The following CAMTA1 variants were observed in gnomAD, a reference collection of about 807,000 sequenced individuals.
The protein encoded by CAMTA1 is calmodulin binding transcription activator 1.
Under a neutral mutation model 170.9 loss-of-function variants are expected in CAMTA1, and 27 were observed. The ratio of observed to expected loss-of-function variants is 0.16; its 90% CI spans 0.12 to 0.22. The LOEUF (loss-of-function observed/expected upper bound fraction) is 0.22, where lower values mean the gene tolerates loss of function less well. Among genes scored for constraint, CAMTA1 ranks in the 10% least tolerant of loss-of-function variants. The pLI is 1.00. For missense variants in CAMTA1, 1,619 were observed against 2,217.2 expected, an observed-to-expected ratio of 0.73 and a Z score of 5.42; for synonymous variants, 833 against 891.5, an observed-to-expected ratio of 0.93 and a Z score of 1.17.
intron 11 of CAMTA1, among the ~76,000 whole-genome samples, chr1:7,683,591 C>T (rs190072207): frequency 4.1e-4 from 63 of 152,120 alleles, no homozygotes; most frequent in Non-Finnish European, 7.1e-4. Flanking sequence ...GGGGCCAGCA[C>T]AAGCTGGTTA....
intron 5 of CAMTA1, among the ~76,000 whole-genome samples, chr1:7,420,794 C>G (rs2091510468): frequency 6.6e-6 from 1 of 152,250 alleles, no homozygotes; most frequent in Non-Finnish European, 1.5e-5. Context: ...TGCAGCAGGG[C>G]CTCCACAAAG....
chr1:7,168,655 C>T (rs1003601206), intron 4 of CAMTA1, among the ~76,000 whole-genome samples: 39 of 152,310 alleles, frequency 2.6e-4, no homozygotes, highest in Middle Eastern at 3.4e-3. Context: ...CCACCCACCT[C>T]GGCCTCCTAA....
At chr1:6,873,720 C>T (rs1349275745) in intron 3 of CAMTA1, among the ~76,000 whole-genome samples, 1 of 152,220 alleles carries the variant, frequency 6.6e-6, no homozygotes, top group African/African-American at 2.4e-5. Context: ...TTTAAGATAA[C>T]CTCATTTTTC....
Position 7,027,535 on chromosome 1 carries a change from A to G in CAMTA1, c.235-63769A>G, listed in dbSNP as rs1306266161. 2.0e-5 allele frequency among the ~76,000 whole-genome samples: 3 copies of G among 152,264 alleles called. No individual in the cohort carries two copies. In the East Asian group the frequency reaches 5.8e-4, roughly 29 times the overall value. On this transcript the variant is annotated intron_variant, in intron 3 of 22. Coordinates refer to ENST00000303635, the MANE Select transcript of CAMTA1 (RefSeq NM_015215.4). ...GTCCACATTTTCAGGGTACTCCATC[A>G]GCTTGGTGTTTTTGGTGGCAGATGC...
intron 7 of CAMTA1, among the ~76,000 whole-genome samples, chr1:7,649,782 G>A (rs1157506281): frequency 6.6e-6 from 1 of 152,212 alleles, no homozygotes; most frequent in Admixed American, 6.5e-5. Flanking sequence ...CTTTTGTGGA[G>A]TGCGCCCCTG....
At chr1:6,852,905 T>G (rs1660945842) in intron 3 of CAMTA1, 1 of 152,242 alleles carries the variant, frequency 6.6e-6, no homozygotes, top group South Asian at 2.1e-4. Flanking sequence ...ATCACATGAT[T>G]GGTTGCTTTG....
chr1:7,620,227 A>G (rs1299719479), intron 6 of CAMTA1, among the ~76,000 whole-genome samples: 1 of 152,232 alleles, frequency 6.6e-6, no homozygotes, highest in Non-Finnish European at 1.5e-5. Context: ...CAATGTCTGA[A>G]GACAATTTTT....
chr1:7,354,362 G>A (rs1451597863), intron 5 of CAMTA1, among the ~76,000 whole-genome samples: 2 of 150,642 alleles, frequency 1.3e-5, no homozygotes, highest in African/African-American at 2.4e-5. Flanking sequence ...TGTTAGCCAG[G>A]ATGGTCTTGA....
chr1:7,464,813 C>G (rs562077435), intron 5 of CAMTA1, among the ~76,000 whole-genome samples: 68 of 152,038 alleles, frequency 4.5e-4, no homozygotes, highest in South Asian at 6.3e-4. Context: ...CACAGCCACC[C>G]GAGAGAAAGG....
At chr1:7,571,351 T>G (rs946061062) in intron 6 of CAMTA1, among the ~76,000 whole-genome samples, 1 of 152,240 alleles carries the variant, frequency 6.6e-6, no homozygotes, top group African/African-American at 2.4e-5. Context: ...TGGTTTATTT[T>G]AGGTTCGGGG....
At chr1:7,327,633 C>T (rs2082771019) in intron 5 of CAMTA1, among the ~76,000 whole-genome samples, 1 of 152,066 alleles carries the variant, frequency 6.6e-6, no homozygotes, top group South Asian at 2.1e-4. Context: ...TAGGATACAG[C>T]AGGCAGGAAT....
chr1:6,891,469 A>G (rs539413434), intron 3 of CAMTA1, among the ~76,000 whole-genome samples: 2 of 152,316 alleles, frequency 1.3e-5, no homozygotes, highest in Admixed American at 6.5e-5. Flanking sequence ...GTCATTTGAC[A>G]TTAGAATAGC....
chr1:7,075,025 G>C (rs1639112568), intron 3 of CAMTA1, among the ~76,000 whole-genome samples: 1 of 152,174 alleles, frequency 6.6e-6, no homozygotes, highest in East Asian at 1.9e-4. Context: ...TATCCAAACA[G>C]TTTTGGTAAC....
intron 1 of CAMTA1, among the ~76,000 whole-genome samples, chr1:6,815,477 T>G (rs1387496890): frequency 6.6e-6 from 1 of 152,220 alleles, no homozygotes; most frequent in African/African-American, 2.4e-5. Flanking sequence ...GTGCTGGGAT[T>G]ACAGGTGTGA....
At chr1:6,961,074 T>C (rs1395976716) in intron 3 of CAMTA1, among the ~76,000 whole-genome samples, 1 of 152,190 alleles carries the variant, frequency 6.6e-6, no homozygotes, top group East Asian at 1.9e-4. Flanking sequence ...CTACAGATTG[T>C]ATATAGTGAT....
intron 11 of CAMTA1, among the ~76,000 whole-genome samples, chr1:7,713,449 C>G (rs1422433702): frequency 6.6e-6 from 1 of 152,036 alleles, no homozygotes; most frequent in Non-Finnish European, 1.5e-5. Context: ...CAGCCCCCAC[C>G]CCACAAAAAG....
intron 5 of CAMTA1, among the ~76,000 whole-genome samples, chr1:7,416,128 C>T (rs945135202): frequency 1.1e-4 from 17 of 152,260 alleles, no homozygotes; most frequent in East Asian, 3.9e-4. Flanking sequence ...CTGAGAGATC[C>T]GCTGTTAGTC....
chr1:7,219,075 G>T (rs969706784), intron 4 of CAMTA1, among the ~76,000 whole-genome samples: 5 of 152,304 alleles, frequency 3.3e-5, no homozygotes, highest in African/African-American at 7.2e-5. Flanking sequence ...TACCATAAAA[G>T]AATCTTGAGG....
chr1:7,034,514 G>A (rs148345062), intron 3 of CAMTA1, among the ~76,000 whole-genome samples: 135 of 152,276 alleles, frequency 8.9e-4, no homozygotes, highest in African/African-American at 2.9e-3. Flanking sequence ...CCTCATACAC[G>A]TGCACTGATC....
Sources: gnomAD v4.1 joint callset for allele counts (sites outside exome capture counted in the v4.1 genomes callset) on GRCh38, gnomAD v4.1.1 for gene constraint, MANE v1.5 for transcripts, NCBI Gene and HGNC (gene_info 2026-07-23, HGNC 2026-07-21) for gene names.